ARHGAP39: variants seen among roughly 807,000 people sequenced by gnomAD.
The protein encoded by ARHGAP39 is Rho GTPase activating protein 39.
ARHGAP39 carries 44 observed loss-of-function variants against 106.9 expected under a neutral mutation model. The ratio of observed to expected loss-of-function variants is 0.41; its 90% CI spans 0.32 to 0.53. The LOEUF (loss-of-function observed/expected upper bound fraction) is 0.53. Ranked by LOEUF, ARHGAP39 falls within the 20% of genes least tolerant of loss-of-function variation. The pLI is 0.21. For synonymous variants in ARHGAP39, 768 were observed against 693.2 expected (o/e 1.11, Z -1.69); for missense variants, 1,496 against 1,577.3 (o/e 0.95, Z 0.87).
At chr8:144,552,609 ACTGCTATCC>A (rs1368025928) in intron 4 of ARHGAP39, among the ~76,000 whole-genome samples, 4 of 151,998 alleles carry the variant, frequency 2.6e-5, no homozygotes, top group Non-Finnish European at 5.9e-5. Flanking sequence ...GGGCGACCCC[ACTGCTATCC>A]CTGCTGTTCT....
chr8:144,589,846 C>G (rs1819324971), intron 2 of ARHGAP39, among the ~76,000 whole-genome samples: 1 of 152,232 alleles, frequency 6.6e-6, no homozygotes, highest in Non-Finnish European at 1.5e-5. Context: ...GGCCCCGCCT[C>G]CTCCAGAAGC....
chr8:144,599,057 C>A lies in ARHGAP39; in HGVS notation c.80+6478G>T, dbSNP rs1275540995. On this transcript the variant is annotated intron_variant, in intron 2 of 11. Coordinates refer to ENST00000377307, the MANE Select transcript of ARHGAP39 (RefSeq NM_025251.3). ...CATGGAGACCCCAGGCACCTGCCCA[C>A]ACATCTGACAGCAGGCAGCTGTTGA... 2.6e-5 allele frequency among the ~76,000 whole-genome samples: 4 copies of A among 152,360 alleles called. No individual in the cohort carries two copies. In the South Asian group the frequency reaches 6.2e-4, roughly 24 times the overall value.
intron 9 of ARHGAP39, 21 bp downstream of exon 9, chr8:144,533,105 C>A (rs201738249): frequency 6.3e-7 from 1 of 1,590,800 alleles, no homozygotes. Flanking sequence ...CCACACCCGG[C>A]GCCCGGGGTT....
chr8:144,561,290 G>A (rs1818137967), intron 3 of ARHGAP39, among the ~76,000 whole-genome samples: 1 of 151,862 alleles, frequency 6.6e-6, no homozygotes. Context: ...ACACTCCAGT[G>A]GTTTCCATCA....
In ARHGAP39 at chr8:144,671,354, G is replaced by C. The variant is rs1446653160; in HGVS notation, c.-82+14332C>G. Among the ~76,000 whole-genome samples the C allele has an allele frequency of 6.6e-6, 1 of 152,200 alleles. No individual in the cohort carries two copies. The highest frequency in any genetic ancestry group is 1.5e-5 in the Non-Finnish European group (1 of 68,032). On this transcript the variant is annotated intron_variant, in intron 1 of 11. Transcript: ENST00000377307. The surrounding 1 kb of genome is among the most constrained non-coding windows in gnomAD (Gnocchi z 4.5). ...GATGTTTTCCGCAAAAGAAATGAAC[G>C]AATAAAGCTGGAGTTAGAAAGAAGC...
chr8:144,680,920 T>C (rs1249310207), intron 1 of ARHGAP39, among the ~76,000 whole-genome samples: 2 of 152,206 alleles, frequency 1.3e-5, no homozygotes, highest in Non-Finnish European at 2.9e-5. Context: ...AATTACTTTG[T>C]CACCATCACA....
At chr8:144,663,524 T>C (rs1821886918) in intron 1 of ARHGAP39, among the ~76,000 whole-genome samples, 3 of 152,044 alleles carry the variant, frequency 2.0e-5, no homozygotes. Context: ...CCTCCAACAC[T>C]GGGGATTAAA....
chr8:144,685,350 G>C (rs1173868436), intron 1 of ARHGAP39, among the ~76,000 whole-genome samples: 1 of 151,690 alleles, frequency 6.6e-6, no homozygotes, highest in Non-Finnish European at 1.5e-5. Context: ...CTCTGGACAG[G>C]GTACAGTCAC....
chr8:144,634,990 A>T (rs111686573), intron 1 of ARHGAP39, among the ~76,000 whole-genome samples: 1 of 152,398 alleles, frequency 6.6e-6, no homozygotes, highest in African/African-American at 2.4e-5. Context: ...CTAAGCTCAC[A>T]CATTCACTTC....
intron 3 of ARHGAP39, among the ~76,000 whole-genome samples, chr8:144,557,721 C>G (rs1269013584): frequency 6.6e-6 from 1 of 152,146 alleles, no homozygotes; most frequent in Non-Finnish European, 1.5e-5. Flanking sequence ...TCATAGTATT[C>G]AGCGGCAAAA....
At chr8:144,576,497 A>G (rs1464801411) in intron 3 of ARHGAP39, among the ~76,000 whole-genome samples, 4 of 152,204 alleles carry the variant, frequency 2.6e-5, no homozygotes, top group Non-Finnish European at 5.9e-5. Flanking sequence ...GCCATGGGTG[A>G]CAGGGCAGGG....
chr8:144,609,552 C>T (rs527443716), intron 1 of ARHGAP39, among the ~76,000 whole-genome samples: 1 of 152,076 alleles, frequency 6.6e-6, no homozygotes, highest in Admixed American at 6.6e-5. Context: ...TAGGCACCCA[C>T]CACTATGCCC....
chr8:144,537,919 G>A (rs1817030019), intron 6 of ARHGAP39, 106 bp from the exon 7 acceptor site: 1 of 964,142 alleles, frequency 1.0e-6, no homozygotes, highest in Non-Finnish European at 1.6e-6. Context: ...GCCTGTTGGG[G>A]GCTCACCCTG....
chr8:144,615,680 T>A (rs1288504334), intron 1 of ARHGAP39, among the ~76,000 whole-genome samples: 1 of 152,256 alleles, frequency 6.6e-6, no homozygotes, highest in Non-Finnish European at 1.5e-5. Context: ...AGCTGTCATT[T>A]CCAGAAGGCC....
intron 1 of ARHGAP39, among the ~76,000 whole-genome samples, chr8:144,613,999 A>C (rs1483077233): frequency 1.3e-5 from 2 of 152,138 alleles, no homozygotes; most frequent in Non-Finnish European, 2.9e-5. Context: ...CTTCATCTTT[A>C]AGTTCACTAA....
intron 2 of ARHGAP39, among the ~76,000 whole-genome samples, chr8:144,588,721 G>A (rs1256523479): frequency 6.6e-6 from 1 of 152,254 alleles, no homozygotes; most frequent in African/African-American, 2.4e-5. Context: ...AGGCAGCACG[G>A]CGGCACGGGG....
chr8:144,577,031 C>G (rs1818802466), intron 3 of ARHGAP39, among the ~76,000 whole-genome samples: 1 of 152,196 alleles, frequency 6.6e-6, no homozygotes, highest in Admixed American at 6.5e-5. Flanking sequence ...TCCACCTGTA[C>G]ACGCCACGAA....
Position 144,547,768 on chromosome 8 carries a change from G to A in ARHGAP39, c.1318C>T (p.Arg440Cys), listed in dbSNP as rs764655615. 4 of 1,597,920 alleles carry A rather than the reference G, an allele frequency of 2.5e-6. No individual in the cohort carries two copies. Among genetic ancestry groups the A allele is most frequent in the East Asian group, 2.2e-5 (1 of 44,596 alleles). ...QPSPCLLRDQ[R>C]LGVKSGDYST... Reference sequence around the variant, plus strand: ...TAGTCTCCGGACTTGACGCCCAGGCGCTGGTCCCTCAGCAGGCAGGGGCTG... The same window carrying A: ...TAGTCTCCGGACTTGACGCCCAGGCACTGGTCCCTCAGCAGGCAGGGGCTG... The change falls in exon 5 of 12, where the codon CGC (arginine) becomes TGC (cysteine). Residue 440 changes from arginine (R) to cysteine (C), a missense_variant. Physicochemically the swap from Arg to Cys is radical, Grantham distance 180. Coordinates refer to ENST00000377307, the MANE Select transcript of ARHGAP39 (RefSeq NM_025251.3). The surrounding 1 kb of genome is among the most constrained non-coding windows in gnomAD (Gnocchi z 5.2).
intron 8 of ARHGAP39, among the ~76,000 whole-genome samples, 169 bp downstream of exon 8, chr8:144,533,957 CAGA>C (rs1275436629): frequency 1.3e-5 from 2 of 152,120 alleles, no homozygotes; most frequent in Non-Finnish European, 2.9e-5. Flanking sequence ...GGGTGCAGCC[CAGA>C]AGAACACGGG....
Sources: gnomAD v4.1 joint callset for allele counts (sites outside exome capture counted in the v4.1 genomes callset) on GRCh38, gnomAD v4.1.1 for gene constraint, Gnocchi (gnomAD v3.1) non-coding constraint, MANE v1.5 for transcripts, NCBI Gene and HGNC (gene_info 2026-07-23, HGNC 2026-07-21) for gene names.